The following PHEX variants were observed in gnomAD, a reference collection of about 807,000 sequenced individuals.
The protein encoded by PHEX is phosphate regulating endopeptidase X-linked, also known as phosphate-regulating neutral endopeptidase PHEX.
A neutral mutation model predicts 68.0 loss-of-function variants in PHEX; 16 were observed. That is an observed-to-expected ratio of 0.24 (90% CI 0.16 to 0.36). The LOEUF is 0.36. Ranked by LOEUF, PHEX falls within the 10% of genes least tolerant of loss-of-function variation. The probability of loss-of-function intolerance (pLI) is 1.00; values close to 1 mark genes in which losing one functional copy is unlikely to be tolerated. For missense variants in PHEX, 480 were observed against 575.5 expected (o/e 0.83, Z 1.70); for synonymous variants, 208 against 205.1 (o/e 1.01, Z -0.12).
chrX:22,154,122 C>G (rs767158512), intron 12 of PHEX, among the ~76,000 whole-genome samples: 19 of 109,940 alleles, frequency 1.7e-4, no homozygotes, highest in African/African-American at 6.1e-4. Context: ...TGTGTACCCA[C>G]AAAAATTAAA....
intron 16 of PHEX, among the ~76,000 whole-genome samples, chrX:22,217,177 A>AAAAC (rs1469883306): frequency 8.9e-6 from 1 of 112,088 alleles, no homozygotes; most frequent in Non-Finnish European, 1.9e-5. Flanking sequence ...GAGACCTGGA[A>AAAAC]AAACTAAATG....
intron 14 of PHEX, among the ~76,000 whole-genome samples, chrX:22,185,481 G>C (rs1219191468): frequency 9.0e-6 from 1 of 111,681 alleles, no homozygotes; most frequent in Non-Finnish European, 1.9e-5. Flanking sequence ...GAGTGGTAGG[G>C]ACTGTAGAAA....
chrX:22,226,848 G>GTCTT (rs1330122258), intron 19 of PHEX, among the ~76,000 whole-genome samples: 2 of 111,233 alleles, frequency 1.8e-5, no homozygotes, highest in Non-Finnish European at 3.8e-5. Flanking sequence ...TTGAGTACAG[G>GTCTT]TCTTTCTGTA....
intron 15 of PHEX, among the ~76,000 whole-genome samples, chrX:22,212,280 G>T (rs1435063431): frequency 9.0e-6 from 1 of 111,043 alleles, no homozygotes; most frequent in Non-Finnish European, 1.9e-5. Context: ...CCTTGTATTT[G>T]TTTGGCATCT....
chrX:22,127,613 C>T (rs759911003), intron 11 of PHEX, among the ~76,000 whole-genome samples: 1 of 110,574 alleles, frequency 9.0e-6, no homozygotes, highest in Admixed American at 9.7e-5. Context: ...AATTAATCAC[C>T]TTCAAAGATT....
chrX:22,038,218 C>A (rs1407160363), intron 1 of PHEX, among the ~76,000 whole-genome samples: 2 of 110,690 alleles, frequency 1.8e-5, no homozygotes, highest in Non-Finnish European at 3.8e-5. Context: ...CTTAGGAGCT[C>A]TGGTCTAGTT....
intron 3 of PHEX, among the ~76,000 whole-genome samples, chrX:22,076,129 T>C (rs1929139982): frequency 8.9e-6 from 1 of 112,570 alleles, no homozygotes; most frequent in African/African-American, 3.2e-5. Context: ...GAACATCCAT[T>C]CTCAGTTGGA....
intron 11 of PHEX, among the ~76,000 whole-genome samples, chrX:22,124,212 C>G (rs1327879206): frequency 8.9e-6 from 1 of 111,888 alleles, no homozygotes; most frequent in Non-Finnish European, 1.9e-5. Flanking sequence ...CGGTCCCAAT[C>G]GTGACAGCTC....
At chrX:22,156,535 CA>C (rs72046817) in intron 12 of PHEX, among the ~76,000 whole-genome samples, 12,922 of 108,618 alleles carry the variant, frequency 0.12, 1,882 homozygotes, top group African/African-American at 0.39. Flanking sequence ...ACTTTCTTTA[CA>C]AAAAAACATG....
intron 9 of PHEX, among the ~76,000 whole-genome samples, chrX:22,109,955 G>A (rs764951840): frequency 5.4e-5 from 6 of 112,049 alleles, no homozygotes; most frequent in Non-Finnish European, 7.5e-5. Flanking sequence ...CTGTAAGGTA[G>A]GGATCATCCT....
intron 18 of PHEX, among the ~76,000 whole-genome samples, chrX:22,222,498 G>GAATT (rs975044728): frequency 8.9e-6 from 1 of 111,797 alleles, no homozygotes; most frequent in South Asian, 3.8e-4. Context: ...TTTGTTGTAA[G>GAATT]AATTAAGTGA....
In PHEX at chrX:22,190,491, C is replaced by T; in HGVS notation, c.1634C>T (p.Thr545Ile). ...GTCAATGCCTTCTACAGTGCATCCA[C>T]CAACCAGATCCGTGAGTACGGGTTC... ...TTVNAFYSAS[T>I]NQIRFPAGEL... Residue 545 changes from threonine (T) to isoleucine (I), a missense_variant, in exon 15 of 22, where the codon ACC (threonine) becomes ATC (isoleucine). Physicochemically the swap from Thr to Ile is moderately conservative, Grantham distance 89. Transcript: ENST00000379374. The T allele has an allele frequency of 8.4e-7, 1 of 1,186,180 alleles. No homozygotes were observed. Among genetic ancestry groups the T allele is most frequent in the Non-Finnish European group, 1.1e-6 (1 of 871,954 alleles).
At chrX:22,122,464 A>G (rs1237271231) in intron 11 of PHEX, among the ~76,000 whole-genome samples, 1 of 111,652 alleles carries the variant, frequency 9.0e-6, no homozygotes, top group African/African-American at 3.3e-5. Context: ...TAGAAATTAC[A>G]TCTGATTTTC....
In PHEX at chrX:22,249,456, ATATAT is replaced by A. The variant is rs1437699357; in HGVS notation, c.*1504_*1508del. On this transcript the variant is annotated 3_prime_UTR_variant, in exon 22 of 22. Coordinates refer to ENST00000379374, the MANE Select transcript of PHEX (RefSeq NM_000444.6). ...TGTGATTCTTTTAAAAAAAAAAAAA[ATATAT>A]ATATATATATATATATATATATATA... 7.6e-3 allele frequency: 238 copies of A among 31,177 alleles called. 4 individuals are homozygous for A. The highest frequency in any genetic ancestry group is 0.052 in the Middle Eastern group (3 of 58). 2.6% of individuals were successfully genotyped at this position (31,177 alleles called of 1,213,427 possible).
intron 3 of PHEX, among the ~76,000 whole-genome samples, chrX:22,062,396 G>A (rs1051193756): frequency 8.9e-6 from 1 of 111,780 alleles, no homozygotes; most frequent in African/African-American, 3.3e-5. Flanking sequence ...AAAAGTAAAC[G>A]TGTCAGCAGT....
At chrX:22,191,122 T>G (rs1432618929) in intron 15 of PHEX, among the ~76,000 whole-genome samples, 1 of 111,831 alleles carries the variant, frequency 8.9e-6, no homozygotes, top group Non-Finnish European at 1.9e-5. Flanking sequence ...CAGGTTCAAA[T>G]TATTCTTGTG....
chrX:22,237,964 G>A (rs1343804397), intron 20 of PHEX, among the ~76,000 whole-genome samples: 1 of 112,698 alleles, frequency 8.9e-6, no homozygotes, highest in Non-Finnish European at 1.9e-5. Flanking sequence ...TGAGTCAGCA[G>A]TGGGGCTCTT....
chrX:22,150,393 C>T (rs958883661), intron 12 of PHEX, among the ~76,000 whole-genome samples: 3 of 111,711 alleles, frequency 2.7e-5, no homozygotes, highest in Non-Finnish European at 5.6e-5. Flanking sequence ...CAGGGGGCAG[C>T]AAACTTTTCA....
chrX:22,107,672 C>T, intron 9 of PHEX, among the ~76,000 whole-genome samples: 1 of 112,156 alleles, frequency 8.9e-6, no homozygotes, highest in South Asian at 3.7e-4. Context: ...TTTCGGCATG[C>T]TTCTCTCATG....
Sources: gnomAD v4.1 joint callset for allele counts (sites outside exome capture counted in the v4.1 genomes callset) on GRCh38, gnomAD v4.1.1 for gene constraint, MANE v1.5 for transcripts, NCBI Gene and HGNC (gene_info 2026-07-23, HGNC 2026-07-21) for gene names.